The following KIF16B variants were observed in gnomAD, a reference collection of about 807,000 sequenced individuals.
KIF16B encodes kinesin family member 16B.
In KIF16B, 98 loss-of-function variants were observed where a neutral mutation model predicts 156.3. That is an observed-to-expected ratio of 0.63 (90% confidence interval 0.53 to 0.74). KIF16B has a LOEUF of 0.74. Among genes scored for constraint, KIF16B ranks in the 30% least tolerant of loss-of-function variants. KIF16B has a pLI of 0.00. For synonymous variants in KIF16B, 564 were observed against 583.7 expected (o/e 0.97, Z 0.49); for missense variants, 1,421 against 1,606.5 (o/e 0.88, Z 1.97).
intron 25 of KIF16B, among the ~76,000 whole-genome samples, chr20:16,298,997 T>C (rs968698740): frequency 1.6e-4 from 25 of 152,196 alleles, no homozygotes; most frequent in African/African-American, 5.8e-4. Context: ...TTGGTCATGA[T>C]TGAAACATAC....
At chr20:16,563,065 ATGTACT>A (rs1320442535) in intron 1 of KIF16B, among the ~76,000 whole-genome samples, 2 of 152,254 alleles carry the variant, frequency 1.3e-5, no homozygotes, top group African/African-American at 4.8e-5. Flanking sequence ...TCCCACTGAA[ATGTACT>A]TAAAGTGTCT....
chr20:16,477,023 A>G (rs1420816288), intron 12 of KIF16B, among the ~76,000 whole-genome samples: 1 of 152,178 alleles, frequency 6.6e-6, no homozygotes. Context: ...CTGGGATTAC[A>G]GGCGTGAGCC....
At chr20:16,477,208 T>TA (rs71192337) in intron 12 of KIF16B, among the ~76,000 whole-genome samples, 82 of 136,478 alleles carry the variant, frequency 6.0e-4, no homozygotes, top group Non-Finnish European at 9.2e-4. Flanking sequence ...TTTCTCTCCT[T>TA]AAAAAAAAAA....
intron 24 of KIF16B, among the ~76,000 whole-genome samples, chr20:16,331,665 G>C (rs2063950472): frequency 6.6e-6 from 1 of 152,160 alleles, no homozygotes; most frequent in South Asian, 2.1e-4. Flanking sequence ...ATCTGGTGAA[G>C]GAGCGAAGTA....
chr20:16,370,441 A>G (rs2064788777), intron 22 of KIF16B, 145 bp downstream of exon 22: 3 of 574,082 alleles, frequency 5.2e-6, no homozygotes, highest in Non-Finnish European at 8.7e-6. Context: ...TTTTAAGTCC[A>G]TATAATAGCT....
At chr20:16,425,486 C>T (rs537427700) in intron 15 of KIF16B, among the ~76,000 whole-genome samples, 1 of 152,064 alleles carries the variant, frequency 6.6e-6, no homozygotes, top group African/African-American at 2.4e-5. Context: ...ATAATTAATT[C>T]AGCCAAAAAG....
chr20:16,566,933 G>A (rs1344803574), intron 1 of KIF16B, among the ~76,000 whole-genome samples: 2 of 152,156 alleles, frequency 1.3e-5, no homozygotes, highest in Non-Finnish European at 2.9e-5. Flanking sequence ...CAAATGCCCA[G>A]GCTTCACAAA....
At chr20:16,404,678 G>A (rs3746785) in intron 17 of KIF16B, 135 bp downstream of exon 17, 47,024 of 645,862 alleles carry the variant, frequency 0.073, 2,534 homozygotes, top group East Asian at 0.21. Context: ...AAAGGAACTC[G>A]GAAAATGACG....
intron 15 of KIF16B, among the ~76,000 whole-genome samples, chr20:16,417,908 A>C (rs2066130434): frequency 6.6e-6 from 1 of 152,080 alleles, no homozygotes; most frequent in South Asian, 2.1e-4. Flanking sequence ...TAAAATATCT[A>C]ACTTTTGTGT....
intron 25 of KIF16B, among the ~76,000 whole-genome samples, chr20:16,283,121 A>G (rs2063171058): frequency 6.6e-6 from 1 of 152,162 alleles, no homozygotes; most frequent in African/African-American, 2.4e-5. Context: ...AGCTTTTTCT[A>G]TAAAAGGATG....
intron 25 of KIF16B, among the ~76,000 whole-genome samples, chr20:16,280,001 G>A (rs1186510591): frequency 1.3e-5 from 2 of 152,144 alleles, no homozygotes; most frequent in Admixed American, 6.5e-5. Flanking sequence ...AATATAATTT[G>A]CTGCTACATG....
At chr20:16,405,700 T>C (rs1343851283) in intron 16 of KIF16B, among the ~76,000 whole-genome samples, 1 of 152,110 alleles carries the variant, frequency 6.6e-6, no homozygotes, top group East Asian at 1.9e-4. Flanking sequence ...CTGGGGGTGA[T>C]AGCATGGGGG....
rs1214677906 is a variant in KIF16B, at chr20:16,272,840, G to C, written c.*413C>G. ...ATATAAAAAATACGAGTATATTTTG[G>C]TGAAAGAGGAAACCAGATGAAAGTC... On this transcript the variant is annotated 3_prime_UTR_variant, in exon 26 of 26. Coordinates refer to ENST00000354981, the MANE Select transcript of KIF16B (RefSeq NM_024704.5). The C allele has an allele frequency of 6.4e-6, 1 of 156,396 alleles. No individual in the cohort carries two copies. The highest frequency in any genetic ancestry group is 2.4e-5 in the African/African-American group (1 of 41,618). The allele number at this position is 156,396 out of a possible 1,614,324, so 9.7% of individuals were successfully genotyped here. A position where few individuals can be genotyped will look rare whatever the true frequency, so the allele number is the denominator to read the frequency against.
chr20:16,401,133 A>G (rs2065646065), intron 17 of KIF16B, among the ~76,000 whole-genome samples: 1 of 152,208 alleles, frequency 6.6e-6, no homozygotes, highest in Non-Finnish European at 1.5e-5. Context: ...ATTTGTGTCA[A>G]TGAATAATGC....
At chr20:16,298,507 G>T (rs376628776) in intron 25 of KIF16B, among the ~76,000 whole-genome samples, 3 of 152,162 alleles carry the variant, frequency 2.0e-5, no homozygotes, top group South Asian at 2.1e-4. Flanking sequence ...TTGTGTAGAG[G>T]TGTTTATAGT....
intron 12 of KIF16B, among the ~76,000 whole-genome samples, chr20:16,480,692 A>T (rs778272791): frequency 6.6e-6 from 1 of 152,348 alleles, no homozygotes; most frequent in South Asian, 2.1e-4. Flanking sequence ...ATGTCTACAC[A>T]TCTTAATCTG....
chr20:16,331,206 T>C (rs569835678), intron 24 of KIF16B, among the ~76,000 whole-genome samples: 4 of 152,348 alleles, frequency 2.6e-5, no homozygotes, highest in African/African-American at 9.6e-5. Context: ...CATGTATATA[T>C]TGTTGAATAA....
At chr20:16,536,650 A>G (rs1174917742) in intron 1 of KIF16B, among the ~76,000 whole-genome samples, 2 of 152,228 alleles carry the variant, frequency 1.3e-5, no homozygotes, top group African/African-American at 4.8e-5. Context: ...CGTGATATCT[A>G]TGATGGTTGG....
chr20:16,448,510 T>C lies in KIF16B; in HGVS notation c.1303-18528A>G, dbSNP rs80083001. ...TCTAACAGTAAGAAGGTAGGCAGTG[T>C]CAGAGAACAAAGAAAATCCTCCTGG... On this transcript the variant is annotated intron_variant, in intron 12 of 25. Coordinates refer to ENST00000354981, the MANE Select transcript of KIF16B (RefSeq NM_024704.5). 7.2e-3 allele frequency among the ~76,000 whole-genome samples: 1,097 copies of C among 152,198 alleles called. 19 individuals carry two copies. Among genetic ancestry groups the C allele is most frequent in the African/African-American group, 0.025 (1,055 of 41,520 alleles).
Sources: allele counts gnomAD v4.1 joint callset (sites outside exome capture counted in the v4.1 genomes callset), GRCh38; gene constraint gnomAD v4.1.1; transcripts MANE v1.5; gene names NCBI Gene and HGNC (gene_info 2026-07-23, HGNC 2026-07-21).